The following STIM1 variants were observed in gnomAD, a reference collection of about 807,000 sequenced individuals.
The protein encoded by STIM1 is stromal interaction molecule 1.
A neutral mutation model predicts 74.7 loss-of-function variants in STIM1; 25 were observed. That is an observed-to-expected ratio of 0.33 (90% CI 0.24 to 0.47). STIM1 has a LOEUF of 0.47. Ranked by LOEUF, STIM1 falls within the 20% of genes least tolerant of loss-of-function variation. The pLI is 1.00. For missense variants in STIM1, 728 were observed against 920.8 expected (o/e 0.79, Z 2.71); for synonymous variants, 328 against 348.8 (o/e 0.94, Z 0.66).
At position 4,083,450 on chromosome 11, in the gene STIM1, G is replaced by A. The variant is rs2094475849; in HGVS notation, c.1426G>A (p.Asp476Asn). 1.2e-6 allele frequency: 2 copies of A among 1,614,236 alleles called. No individual in the cohort carries two copies. The highest frequency in any genetic ancestry group is 1.7e-6 in the Non-Finnish European group (2 of 1,180,042). Residue 476 changes from aspartate to asparagine, a missense_variant, in exon 10 of 13, where the codon GAC becomes AAC. Coordinates refer to ENST00000526596, the MANE Select transcript of STIM1 (RefSeq NM_001382567.1). ...CCCTGCTCACTTCATCATGACTGAC[G>A]ACGTGGATGACATGGATGAGGAGAT... ...PNPAHFIMTD[D>N]VDDMDEEIVS... is the part of the protein sequence containing the mutation.
chr11:3,887,099 G>A (rs1292329016), intron 1 of STIM1, among the ~76,000 whole-genome samples: 1 of 152,100 alleles, frequency 6.6e-6, no homozygotes, highest in East Asian at 1.9e-4. Context: ...AGGGTCCAGG[G>A]ACTAGTATTG....
intron 1 of STIM1, among the ~76,000 whole-genome samples, chr11:3,862,935 C>T (rs2090683664): frequency 2.0e-5 from 3 of 152,272 alleles, no homozygotes; most frequent in African/African-American, 7.2e-5. Flanking sequence ...TCTTGTCACC[C>T]AGGCTGGAGT....
At chr11:3,970,278 T>G (rs2093379870) in intron 2 of STIM1, among the ~76,000 whole-genome samples, 1 of 152,180 alleles carries the variant, frequency 6.6e-6, no homozygotes, top group South Asian at 2.1e-4. Flanking sequence ...TTGCCTTGGT[T>G]TCCACTGCTC....
intron 3 of STIM1, among the ~76,000 whole-genome samples, chr11:4,032,763 AG>A (rs879265291): frequency 1.1e-4 from 16 of 152,366 alleles, no homozygotes; most frequent in Admixed American, 9.8e-4. Context: ...AGTAGTTCAT[AG>A]TTTTTTATGC....
chr11:3,939,407 A>G (rs2092977010), intron 1 of STIM1, among the ~76,000 whole-genome samples: 1 of 152,194 alleles, frequency 6.6e-6, no homozygotes, highest in Non-Finnish European at 1.5e-5. Flanking sequence ...GACATAGTTG[A>G]GGTTACCACT....
intron 1 of STIM1, among the ~76,000 whole-genome samples, chr11:3,949,275 C>T (rs375383155): frequency 8.5e-5 from 13 of 152,176 alleles, no homozygotes; most frequent in Middle Eastern, 3.4e-3. Flanking sequence ...AAGGATATTG[C>T]GGGCAGAGGG....
intron 1 of STIM1, among the ~76,000 whole-genome samples, chr11:3,932,791 C>A (rs140780520): frequency 8.8e-4 from 134 of 152,216 alleles, no homozygotes; most frequent in African/African-American, 3.2e-3. Flanking sequence ...TCGCCAGACA[C>A]TGAATCTGCT....
At chr11:4,030,859 G>A (rs2132922615) in intron 3 of STIM1, among the ~76,000 whole-genome samples, 1 of 152,284 alleles carries the variant, frequency 6.6e-6, no homozygotes, top group South Asian at 2.1e-4. Flanking sequence ...CATCTCCGAT[G>A]ATACTACCTT....
chr11:3,940,633 G>C (rs1422705311), intron 1 of STIM1, among the ~76,000 whole-genome samples: 2 of 152,130 alleles, frequency 1.3e-5, no homozygotes, highest in Non-Finnish European at 2.9e-5. Context: ...CCCATGCACT[G>C]ACTGCCTCCC....
At chr11:3,939,822 G>T (rs552403724) in intron 1 of STIM1, among the ~76,000 whole-genome samples, 55 of 152,216 alleles carry the variant, frequency 3.6e-4, no homozygotes, top group South Asian at 6.2e-4. Context: ...GAGCTGCCTG[G>T]GGGCTTTCTC....
intron 1 of STIM1, among the ~76,000 whole-genome samples, chr11:3,861,239 T>A (rs1590500183): frequency 6.6e-6 from 1 of 151,474 alleles, no homozygotes. Context: ...GGTTCTATTT[T>A]TTTTTTTTTT....
chr11:4,091,267 C>T lies in STIM1; in HGVS notation c.1635-15C>T, dbSNP rs749764733. On this transcript the variant is annotated splice_polypyrimidine_tract_variant and intron_variant, in intron 12 of 12. Coordinates refer to ENST00000526596, the MANE Select transcript of STIM1 (RefSeq NM_001382567.1). ...ATATATGTCCCTTTCTTCCTCTCTG[C>T]CCCATGTCTTGCAGGGATTTGACCC... The T allele has an allele frequency of 9.9e-5, 159 of 1,613,992 alleles. No individual in the cohort carries two copies. Among genetic ancestry groups the T allele is most frequent in the Middle Eastern group, 6.6e-4 (4 of 6,084 alleles).
At chr11:3,951,732 C>T (rs1202774480) in intron 1 of STIM1, among the ~76,000 whole-genome samples, 2 of 152,118 alleles carry the variant, frequency 1.3e-5, no homozygotes, top group Non-Finnish European at 2.9e-5. Context: ...CTGGGTAAGT[C>T]CTTGGGTGCC....
chr11:4,005,677 T>C (rs925957853), intron 2 of STIM1, among the ~76,000 whole-genome samples: 6 of 152,042 alleles, frequency 3.9e-5, no homozygotes, highest in Admixed American at 1.3e-4. Flanking sequence ...CATGTATACA[T>C]ATATAACTAA....
At chr11:4,077,258 A>G (rs973609755) in intron 7 of STIM1, among the ~76,000 whole-genome samples, 2 of 151,882 alleles carry the variant, frequency 1.3e-5, no homozygotes, top group African/African-American at 2.4e-5. Flanking sequence ...ATTTACATTA[A>G]TATAAAGTAA....
At chr11:3,989,089 A>G in intron 2 of STIM1, 5 of 1,386,578 alleles carry the variant, frequency 3.6e-6, no homozygotes, top group Non-Finnish European at 3.9e-6. Context: ...AAAATAGTTG[A>G]TAAAAATATT....
In STIM1 at chr11:4,055,922, C is replaced by T. The variant is rs578060238; in HGVS notation, c.497+285C>T. ...CAGGCATTCTACTCAACACTGTATA[C>T]AGTATCTCATTTAATTCTTACATCA... On this transcript the variant is annotated intron_variant, in intron 4 of 12. Coordinates refer to ENST00000526596, the MANE Select transcript of STIM1 (RefSeq NM_001382567.1). Among the ~76,000 whole-genome samples, 7 of 152,284 alleles carry T rather than the reference C, an allele frequency of 4.6e-5. No homozygotes were observed. The South Asian group carries it at 6.2e-4, about 14-fold the overall frequency.
intron 3 of STIM1, among the ~76,000 whole-genome samples, chr11:4,048,421 A>G (rs2094211098): frequency 6.6e-6 from 1 of 152,224 alleles, no homozygotes; most frequent in African/African-American, 2.4e-5. Flanking sequence ...TTAAGTAAAA[A>G]TAAACTTCAG....
At chr11:4,017,903 T>G (rs2093913837) in intron 2 of STIM1, among the ~76,000 whole-genome samples, 1 of 152,266 alleles carries the variant, frequency 6.6e-6, no homozygotes, top group Non-Finnish European at 1.5e-5. Context: ...TATAGTCTAC[T>G]TTTTAACACA....
Sources: allele counts gnomAD v4.1 joint callset (sites outside exome capture counted in the v4.1 genomes callset), GRCh38; gene constraint gnomAD v4.1.1; transcripts MANE v1.5; gene names NCBI Gene and HGNC (gene_info 2026-07-23, HGNC 2026-07-21).